Variants in TRIOBP observed in about 807,000 individuals in gnomAD.
The protein encoded by TRIOBP is TRIO and F-actin-binding protein.
TRIOBP carries 169 observed loss-of-function variants against 238.8 expected under a neutral mutation model. That is an observed-to-expected ratio of 0.71 (90% CI 0.62 to 0.80). TRIOBP has a LOEUF of 0.80. TRIOBP is among the 30% of genes least tolerant of loss of function. The probability of loss-of-function intolerance (pLI) is 0.00; values close to 1 mark genes in which losing one functional copy is unlikely to be tolerated. For synonymous variants in TRIOBP, 1,150 were observed against 1,274.4 expected (o/e 0.90, Z 2.08); for missense variants, 2,838 against 3,122.6 (o/e 0.91, Z 2.17).
chr22:37,744,854 G>C (rs536688891), intron 11 of TRIOBP, among the ~76,000 whole-genome samples: 1 of 150,886 alleles, frequency 6.6e-6, no homozygotes, highest in Non-Finnish European at 1.5e-5. Flanking sequence ...AATGGGAACA[G>C]TAATTATAAA....
At chr22:37,719,028 A>G (rs1379450556) in intron 6 of TRIOBP, among the ~76,000 whole-genome samples, 3 of 150,342 alleles carry the variant, frequency 2.0e-5, no homozygotes, top group Non-Finnish European at 3.0e-5. Flanking sequence ...TTGTATTTCT[A>G]GTAGAGACAG....
At chr22:37,706,541 A>G (rs1922951528) in intron 3 of TRIOBP, among the ~76,000 whole-genome samples, 1 of 152,188 alleles carries the variant, frequency 6.6e-6, no homozygotes, top group Non-Finnish European at 1.5e-5. Flanking sequence ...CTGTGATCAC[A>G]GCACTTTAGG....
At chr22:37,750,782 C>T (rs926584976) in intron 11 of TRIOBP, 5 of 467,034 alleles carry the variant, frequency 1.1e-5, no homozygotes, top group South Asian at 6.2e-5. Context: ...GAGAGTGGGT[C>T]GGGAGAGGTG....
chr22:37,764,681 C>G (rs1926398822), intron 17 of TRIOBP, among the ~76,000 whole-genome samples: 1 of 152,222 alleles, frequency 6.6e-6, no homozygotes, highest in African/African-American at 2.4e-5. Context: ...CCAACACACA[C>G]CGTTGTGGCG....
intron 8 of TRIOBP, 124 bp from the exon 9 acceptor site, chr22:37,734,275 G>A (rs1601639032): frequency 1.1e-6 from 1 of 892,872 alleles, no homozygotes; most frequent in African/African-American, 1.6e-5. Context: ...TGTACTTTTT[G>A]GCCTGCTTTG....
rs1924133777 is a variant in TRIOBP at position 37,726,017 on chromosome 22, T to G, written c.3461T>G (p.Leu1154Arg). ...TESLVPSMDSLHECPHIPTPV... is the reference protein window; with the variant it reads ...TESLVPSMDSRHECPHIPTPV... ...AGCCTTGTCCCTTCCATGGACTCTC[T>G]GCACGAGTGCCCCCACATCCCCACC... The change falls in exon 7 of 24, where the codon CTG becomes CGG. Residue 1154 changes from leucine (L) to arginine (R), a missense_variant. Leu to Arg is a moderately radical substitution (Grantham distance 102). Around this residue, in one of 5 missense-constraint regions of TRIOBP, gnomAD observed 2,096 missense variants for 2,137.4 expected, o/e 0.98. Transcript: ENST00000644935. 6.2e-7 allele frequency: 1 copy of G among 1,604,122 alleles called. No individual in the cohort carries two copies. The highest frequency in any genetic ancestry group is 1.4e-5 in the African/African-American group (1 of 72,706).
chr22:37,704,389 GAAC>G (rs1922817841), intron 3 of TRIOBP, among the ~76,000 whole-genome samples: 6 of 11,760 alleles, frequency 5.1e-4, no homozygotes, highest in Admixed American at 4.8e-3. Context: ...ACTCAGAACA[GAAC>G]AGAACAGAAC....
At chr22:37,721,155 C>T (rs1923808764) in intron 6 of TRIOBP, among the ~76,000 whole-genome samples, 1 of 152,012 alleles carries the variant, frequency 6.6e-6, no homozygotes, top group Non-Finnish European at 1.5e-5. Context: ...AGGCATCAGC[C>T]ACTGCTCCCG....
chr22:37,710,975 C>T (rs1306570447), intron 4 of TRIOBP, among the ~76,000 whole-genome samples: 1 of 152,256 alleles, frequency 6.6e-6, no homozygotes, highest in Non-Finnish European at 1.5e-5. Context: ...ACAGTCCCTG[C>T]ACCCAGGGGC....
chr22:37,735,710 G>A (rs1924639099), intron 9 of TRIOBP, among the ~76,000 whole-genome samples: 1 of 152,220 alleles, frequency 6.6e-6, no homozygotes, highest in Non-Finnish European at 1.5e-5. Context: ...TTAGCAACCA[G>A]GTGAGAAATA....
At chr22:37,711,608 AC>A (rs1413857822) in intron 4 of TRIOBP, among the ~76,000 whole-genome samples, 10 of 149,166 alleles carry the variant, frequency 6.7e-5, no homozygotes, top group African/African-American at 2.2e-4. Flanking sequence ...AAAAAAAAAA[AC>A]AAAAAAAAAC....
rs1926106712 is a variant in TRIOBP at position 37,759,197 on chromosome 22, G to A, written c.6257G>A (p.Gly2086Glu). 1 of 1,612,922 alleles carries A rather than the reference G, an allele frequency of 6.2e-7. No homozygotes were observed. Among genetic ancestry groups the A allele is most frequent in the South Asian group, 1.1e-5 (1 of 91,086 alleles). Residue 2086 changes from glycine (G) to glutamate (E), a missense_variant, in exon 17 of 24, where the codon GGG (glycine) becomes GAG (glutamate). Physicochemically the swap from Gly to Glu is moderately conservative, Grantham distance 98. Coordinates refer to ENST00000644935, the MANE Select transcript of TRIOBP (RefSeq NM_001039141.3). ...CAGCTGGAGGCGTGGCGTCTCCAAG[G>A]GGAGGCTCCTCAGAGTGCACTGAGA... The part of the protein sequence containing the change: ...RAQLEAWRLQ[G>E]EAPQSALRSQ...
chr22:37,771,764 G>T, intron 22 of TRIOBP, 28 bp downstream of exon 22: 1 of 1,608,320 alleles, frequency 6.2e-7, no homozygotes, highest in Non-Finnish European at 8.5e-7. Flanking sequence ...GCTGGGGGCC[G>T]TCGGGGACTC....
chr22:37,768,439 C>G (rs1926606435), intron 19 of TRIOBP, among the ~76,000 whole-genome samples: 2 of 152,208 alleles, frequency 1.3e-5, no homozygotes, highest in Non-Finnish European at 2.9e-5. Context: ...TGGAGCTGGG[C>G]TGCAGTGTCA....
chr22:37,746,474 C>T (rs1019178510), intron 11 of TRIOBP: 3 of 1,353,468 alleles, frequency 2.2e-6, no homozygotes, highest in Non-Finnish European at 1.9e-6. Context: ...GGCGACGACC[C>T]GAGGCAGAGC....
chr22:37,771,784 C>T, intron 22 of TRIOBP, 48 bp downstream of exon 22: 1 of 1,561,550 alleles, frequency 6.4e-7, no homozygotes, highest in Admixed American at 1.7e-5. Context: ...CTGGAGCCAT[C>T]TGGATGCCAT....
At chr22:37,770,619 C>T (rs568323910) in intron 21 of TRIOBP, among the ~76,000 whole-genome samples, 196 of 152,058 alleles carry the variant, frequency 1.3e-3, no homozygotes, top group African/African-American at 4.2e-3. Context: ...TCAGGTGATC[C>T]GCCCACTTCG....
At chr22:37,767,952 G>T (rs1234613023) in intron 18 of TRIOBP, 122 bp from the exon 19 acceptor site, 7 of 786,176 alleles carry the variant, frequency 8.9e-6, no homozygotes. Flanking sequence ...CATAGTACTT[G>T]CATAGTACTA....
At chr22:37,710,654 C>A in intron 4 of TRIOBP, 88 bp downstream of exon 4, 1 of 1,505,536 alleles carries the variant, frequency 6.6e-7, no homozygotes, top group African/African-American at 1.4e-5. Context: ...AAGGCAGCAC[C>A]TGTCTCTAAT....
Sources: gnomAD v4.1 joint callset for allele counts (sites outside exome capture counted in the v4.1 genomes callset) on GRCh38, gnomAD v4.1.1 for gene constraint, gnomAD v4.1.1 regional missense constraint, MANE v1.5 for transcripts, NCBI Gene and HGNC (gene_info 2026-07-23, HGNC 2026-07-21) for gene names.